The following MYO1D variants were observed in gnomAD, a reference collection of about 807,000 sequenced individuals.
MYO1D encodes the protein myosin ID, also known as unconventional myosin-Id.
MYO1D carries 83 observed loss-of-function variants against 122.0 expected under a neutral mutation model. That is an observed-to-expected ratio of 0.68 (90% CI 0.57 to 0.82). MYO1D has a LOEUF of 0.82. MYO1D is among the 40% of genes least tolerant of loss of function. The pLI is 0.00. For synonymous variants in MYO1D, 464 were observed against 446.9 expected (o/e 1.04, Z -0.48); for missense variants, 1,157 against 1,269.5 (o/e 0.91, Z 1.35).
rs540981292 is a variant in MYO1D, at chr17:32,822,413, C to T, written c.96-41629G>A. Among the ~76,000 whole-genome samples the T allele has an allele frequency of 5.2e-3, 784 of 151,618 alleles. 3 individuals carry two copies. The highest frequency in any genetic ancestry group is 8.5e-3 in the Non-Finnish European group (576 of 67,578). ...GGGGGAGGGATAACGCGTCCAGCGCCGTCCGTCCGTTCGTCTTCCTCCCTC... is the reference window on the plus strand; with the variant it reads ...GGGGGAGGGATAACGCGTCCAGCGCTGTCCGTCCGTTCGTCTTCCTCCCTC... On this transcript the variant is annotated intron_variant, in intron 1 of 21. Coordinates refer to ENST00000318217, the MANE Select transcript of MYO1D (RefSeq NM_015194.3).
intron 1 of MYO1D, among the ~76,000 whole-genome samples, chr17:32,812,979 T>A (rs189421322): frequency 2.0e-5 from 3 of 152,316 alleles, no homozygotes; most frequent in East Asian, 3.9e-4. Context: ...CTTATACACA[T>A]GGAGTCATCC....
chr17:32,730,271 C>T (rs1173799578), intron 14 of MYO1D, among the ~76,000 whole-genome samples: 3 of 151,924 alleles, frequency 2.0e-5, no homozygotes, highest in Non-Finnish European at 4.4e-5. Context: ...TTTTTCTGAA[C>T]TAAGGACCTT....
chr17:32,802,013 G>A (rs1052612908), intron 1 of MYO1D, among the ~76,000 whole-genome samples: 3 of 152,200 alleles, frequency 2.0e-5, no homozygotes, highest in African/African-American at 7.2e-5. Flanking sequence ...TTCAGTTGTT[G>A]ACTATCTGTT....
rs537452205 is a variant in MYO1D at position 32,783,921 on chromosome 17, A to T, written c.96-3137T>A. Among the ~76,000 whole-genome samples, 15 of 152,350 alleles carry T rather than the reference A, an allele frequency of 9.8e-5. No homozygotes were observed. The South Asian group carries it at 3.1e-3, about 32-fold the overall frequency. ...GACTTCTGTGTGCAAACCTTTCATG[A>T]CAAACTTTTATAATTATTCAGTATC... On this transcript the variant is annotated intron_variant, in intron 1 of 21. Coordinates refer to ENST00000318217, the MANE Select transcript of MYO1D (RefSeq NM_015194.3).
chr17:32,735,490 A>G (rs1017724719), intron 14 of MYO1D, among the ~76,000 whole-genome samples: 7 of 152,138 alleles, frequency 4.6e-5, no homozygotes, highest in African/African-American at 1.7e-4. Flanking sequence ...GCCTTGATGT[A>G]TACTTTAAAG....
chr17:32,834,572 A>G (rs2090803731), intron 1 of MYO1D, among the ~76,000 whole-genome samples: 1 of 152,172 alleles, frequency 6.6e-6, no homozygotes, highest in Admixed American at 6.5e-5. Flanking sequence ...CAACTCCACT[A>G]TCATTCAATT....
intron 16 of MYO1D, among the ~76,000 whole-genome samples, chr17:32,679,658 T>C (rs1175564939): frequency 1.8e-3 from 276 of 152,276 alleles, no homozygotes; most frequent in African/African-American, 6.4e-3. Context: ...TTTTGGTTAC[T>C]GTAGCCTTGT....
chr17:32,760,158 A>G, intron 10 of MYO1D, 132 bp downstream of exon 10: 1 of 837,650 alleles, frequency 1.2e-6, no homozygotes, highest in East Asian at 2.4e-5. Flanking sequence ...GTATTTACAT[A>G]TCCCAAAAAG....
At chr17:32,554,281 A>C (rs751382875) in intron 21 of MYO1D, among the ~76,000 whole-genome samples, 7 of 152,102 alleles carry the variant, frequency 4.6e-5, no homozygotes, top group Non-Finnish European at 1.0e-4. Context: ...TACTCTGTAC[A>C]ATTAGACTGT....
At chr17:32,626,646 A>T (rs2150930021) in intron 20 of MYO1D, among the ~76,000 whole-genome samples, 1 of 152,308 alleles carries the variant, frequency 6.6e-6, no homozygotes, top group East Asian at 1.9e-4. Context: ...AAGGAAAAAC[A>T]CATTAAAAAA....
intron 15 of MYO1D, among the ~76,000 whole-genome samples, chr17:32,714,484 A>G (rs1259897689): frequency 1.3e-5 from 2 of 152,158 alleles, no homozygotes. Flanking sequence ...ATTGATGGGC[A>G]TTTGGGTTGA....
At chr17:32,836,557 A>T (rs1733906247) in intron 1 of MYO1D, among the ~76,000 whole-genome samples, 1 of 152,172 alleles carries the variant, frequency 6.6e-6, no homozygotes, top group Non-Finnish European at 1.5e-5. Context: ...CCATCAAATC[A>T]GTGGAATCAT....
intron 10 of MYO1D, among the ~76,000 whole-genome samples, chr17:32,757,581 T>C (rs1030546279): frequency 6.6e-6 from 1 of 152,132 alleles, no homozygotes; most frequent in African/African-American, 2.4e-5. Flanking sequence ...AAAAAAATCC[T>C]AAAAATACTC....
intron 14 of MYO1D, among the ~76,000 whole-genome samples, chr17:32,727,952 A>G (rs777051986): frequency 1.3e-5 from 2 of 152,238 alleles, no homozygotes; most frequent in Non-Finnish European, 2.9e-5. Flanking sequence ...ATGGAAATAG[A>G]GATGTTTCAT....
intron 15 of MYO1D, among the ~76,000 whole-genome samples, chr17:32,720,126 T>C (rs1297149069): frequency 6.6e-6 from 1 of 152,060 alleles, no homozygotes; most frequent in Non-Finnish European, 1.5e-5. Context: ...GGGGGAAAAC[T>C]ATAGTCGAGA....
intron 1 of MYO1D, among the ~76,000 whole-genome samples, chr17:32,821,534 T>TCACACACACACACACACACACACA (rs575314294): frequency 9.1e-5 from 13 of 143,058 alleles, no homozygotes; most frequent in African/African-American, 3.0e-4. Context: ...GATAAGTAAA[T>TCACACACACACACACACACACACA]CACACATACA....
intron 1 of MYO1D, among the ~76,000 whole-genome samples, chr17:32,856,360 A>T (rs147623920): frequency 2.6e-5 from 4 of 152,016 alleles, no homozygotes; most frequent in African/African-American, 4.8e-5. Flanking sequence ...ATCATTACCT[A>T]TTCACACTCA....
chr17:32,686,260 G>A (rs2089004934), intron 16 of MYO1D: 1 of 152,218 alleles, frequency 6.6e-6, no homozygotes. Context: ...CAGAGGCAGT[G>A]GAAAATATGA....
Position 32,778,459 on chromosome 17 carries a change from CCATT to C in MYO1D, c.398+17_398+20del. 1 of 1,597,802 alleles carries C rather than the reference CCATT, an allele frequency of 6.3e-7. No homozygotes were observed. Among genetic ancestry groups the C allele is most frequent in the Non-Finnish European group, 8.6e-7 (1 of 1,165,212 alleles). On this transcript the variant is annotated intron_variant, in intron 3 of 21. Coordinates refer to ENST00000318217, the MANE Select transcript of MYO1D (RefSeq NM_015194.3). The stretch of plus-strand genomic sequence containing the variant: ...AAAACAGAGTGCTAAGAATTCCTCC[CCATT>C]ATTAGAGTGCTCTTACCTTTCAACC...
Sources: gnomAD v4.1 joint callset for allele counts (sites outside exome capture counted in the v4.1 genomes callset) on GRCh38, gnomAD v4.1.1 for gene constraint, MANE v1.5 for transcripts, NCBI Gene and HGNC (gene_info 2026-07-23, HGNC 2026-07-21) for gene names.